CRYBA4: variants seen among roughly 807,000 people sequenced by gnomAD.
CRYBA4 encodes beta-crystallin A4.
Under a neutral mutation model 31.7 loss-of-function variants are expected in CRYBA4, and 30 were observed. The ratio of observed to expected loss-of-function variants is 0.95; its 90% confidence interval spans 0.71 to 1.28. The LOEUF (loss-of-function observed/expected upper bound fraction) is 1.28. Ranked by LOEUF, CRYBA4 falls within the 50% of genes most tolerant of loss-of-function variation. The pLI is 0.00. For missense variants in CRYBA4, 225 were observed against 260.7 expected (o/e 0.86, Z 0.94); for synonymous variants, 102 against 102.3 (o/e 1.00, Z 0.02).
At chr22:26,603,138 AAAAAAAC>A in the CRYBA4 span, among the ~76,000 whole-genome samples, 1 of 148,848 alleles carries the variant, frequency 6.7e-6, no homozygotes, top group Non-Finnish European at 1.5e-5. Flanking sequence ...AAAAAAAAAA[AAAAAAAC>A]AAAAAACAAA....
At chr22:26,611,365 C>G in the CRYBA4 span, among the ~76,000 whole-genome samples, 1 of 152,224 alleles carries the variant, frequency 6.6e-6, no homozygotes, top group East Asian at 1.9e-4. Flanking sequence ...TATCATTACT[C>G]CCAGGCAGCT....
chr22:26,630,191 G>A, intron 5 of CRYBA4, 149 bp from the exon 6 acceptor site: 1 of 967,162 alleles, frequency 1.0e-6, no homozygotes, highest in Non-Finnish European at 1.6e-6. Context: ...AAGGCCCTGT[G>A]GTAGGGGAGA....
chr22:26,628,209 G>T, intron 4 of CRYBA4, 79 bp from the exon 5 acceptor site: 1 of 1,600,208 alleles, frequency 6.2e-7, no homozygotes, highest in Non-Finnish European at 8.6e-7. Context: ...GACAAGGGCA[G>T]GGAGTGTGGA....
chr22:26,601,590 T>C, the CRYBA4 span, among the ~76,000 whole-genome samples: 9 of 140,824 alleles, frequency 6.4e-5, 1 homozygote, highest in Admixed American at 5.0e-4. Context: ...CCGGCCCTTT[T>C]AGTTGATTAC....
chr22:26,599,171 T>G, the CRYBA4 span: 12 of 380,776 alleles, frequency 3.2e-5, no homozygotes, highest in East Asian at 5.0e-4. Flanking sequence ...ATCTCACAGG[T>G]GTATCTGGGT....
chr22:26,603,543 A>G, the CRYBA4 span, among the ~76,000 whole-genome samples: 32 of 151,474 alleles, frequency 2.1e-4, no homozygotes, highest in East Asian at 5.7e-3. Context: ...ACAACAACAA[A>G]AAAGAATGGG....
At chr22:26,595,379 C>A in the CRYBA4 span, among the ~76,000 whole-genome samples, 1 of 151,950 alleles carries the variant, frequency 6.6e-6, no homozygotes, top group Non-Finnish European at 1.5e-5. Flanking sequence ...GAGTTCGAGA[C>A]CAGCCTGACC....
the CRYBA4 span, chr22:26,611,996 TG>T: frequency 9.3e-7 from 1 of 1,076,390 alleles, no homozygotes; most frequent in Non-Finnish European, 1.4e-6. Flanking sequence ...GAGCAGATGC[TG>T]GAGAAATGGC....
chr22:26,616,160 G>A, the CRYBA4 span: 3 of 1,614,222 alleles, frequency 1.9e-6, no homozygotes, highest in Non-Finnish European at 2.5e-6. Context: ...CCAGGAGGCA[G>A]TTCCGCCGCC....
upstream of CRYBA4, among the ~76,000 whole-genome samples, chr22:26,617,317 A>G (rs1929389437): frequency 6.6e-6 from 1 of 152,184 alleles, no homozygotes; most frequent in South Asian, 2.1e-4. Context: ...CTTTGGAGAC[A>G]ATGTTAAGGG....
intron 5 of CRYBA4, among the ~76,000 whole-genome samples, chr22:26,629,091 C>A (rs1243787065): frequency 2.0e-5 from 3 of 152,166 alleles, no homozygotes; most frequent in African/African-American, 7.2e-5. Context: ...CAAAGTCCAT[C>A]AGCAGGTAGG....
the CRYBA4 span, among the ~76,000 whole-genome samples, chr22:26,613,561 T>A: frequency 6.6e-6 from 1 of 152,266 alleles, no homozygotes; most frequent in African/African-American, 2.4e-5. Context: ...AAAGATTTCA[T>A]GGACACTTAT....
Position 26,627,359 on chromosome 22 carries a change from C to CCCTTCTTT in CRYBA4, c.301-928_301-927insCTTCTTTC, listed in dbSNP as rs1404229613. Among the ~76,000 whole-genome samples, 72 of 41,862 alleles carry CCCTTCTTT rather than the reference C, an allele frequency of 1.7e-3. 4 individuals carry two copies. The highest frequency in any genetic ancestry group is 0.011 in the Middle Eastern group (1 of 90). 27.5% of individuals were successfully genotyped at this position (41,862 alleles called of 152,430 possible). A position where few individuals can be genotyped will look rare whatever the true frequency, so the allele number is the denominator to read the frequency against. The stretch of plus-strand genomic sequence containing the variant: ...CCCCTCCCTCCCTCCCTCCCTCCCT[C>CCCTTCTTT]CTTTCTTTCTTTCTTTCTTTCTTTC... On this transcript the variant is annotated intron_variant, in intron 4 of 5. Transcript: ENST00000354760.
chr22:26,630,309 A>G (rs199967567), intron 5 of CRYBA4, 31 bp from the exon 6 acceptor site: 15 of 1,613,610 alleles, frequency 9.3e-6, no homozygotes, highest in Non-Finnish European at 1.3e-5. Context: ...GTGTCTCTGT[A>G]GAGTAACTGT....
upstream of CRYBA4, among the ~76,000 whole-genome samples, chr22:26,619,444 G>T (rs1352554362): frequency 6.6e-6 from 1 of 152,186 alleles, no homozygotes; most frequent in Admixed American, 6.5e-5. Context: ...TACAGCTGGG[G>T]TCAGAAGGAG....
intron 5 of CRYBA4, among the ~76,000 whole-genome samples, chr22:26,628,938 G>A (rs986451853): frequency 1.3e-4 from 20 of 152,204 alleles, no homozygotes; most frequent in African/African-American, 4.6e-4. Context: ...TGATTGGCTA[G>A]GTTTGGTCAT....
chr22:26,610,162 C>T, the CRYBA4 span, among the ~76,000 whole-genome samples: 1 of 152,118 alleles, frequency 6.6e-6, no homozygotes, highest in East Asian at 1.9e-4. Context: ...CATTTCAACC[C>T]GCAAGCAGGG....
chr22:26,629,109 C>A (rs1442164602), intron 5 of CRYBA4, among the ~76,000 whole-genome samples: 1 of 152,126 alleles, frequency 6.6e-6, no homozygotes, highest in African/African-American at 2.4e-5. Context: ...AGGTAACAAT[C>A]CAGCTTCAAA....
chr22:26,604,327 A>T, the CRYBA4 span, among the ~76,000 whole-genome samples: 1 of 152,210 alleles, frequency 6.6e-6, no homozygotes, highest in Non-Finnish European at 1.5e-5. Context: ...GATTATGTAA[A>T]AGGCAGGTAA....
Sources: allele counts gnomAD v4.1 joint callset (sites outside exome capture counted in the v4.1 genomes callset), GRCh38; gene constraint gnomAD v4.1.1; transcripts MANE v1.5; gene names NCBI Gene and HGNC (gene_info 2026-07-23, HGNC 2026-07-21).